Variants in USP49 observed in about 807,000 individuals in gnomAD.
The protein encoded by USP49 is ubiquitin carboxyl-terminal hydrolase 49.
A neutral mutation model predicts 58.6 loss-of-function variants in USP49; 24 were observed. The ratio of observed to expected loss-of-function variants is 0.41; its 90% CI spans 0.30 to 0.58. The LOEUF (loss-of-function observed/expected upper bound fraction) is 0.58, where lower values mean the gene tolerates loss of function less well. Ranked by LOEUF, USP49 falls within the 20% of genes least tolerant of loss-of-function variation. USP49 has a pLI of 0.30. For synonymous variants in USP49, 408 were observed against 365.1 expected (o/e 1.12, Z -1.34); for missense variants, 703 against 866.1 (o/e 0.81, Z 2.36).
chr6:41,838,965 T>A (rs752846948), intron 3 of USP49, among the ~76,000 whole-genome samples: 4 of 152,194 alleles, frequency 2.6e-5, no homozygotes, highest in Non-Finnish European at 5.9e-5. Flanking sequence ...TGGTCTTGAA[T>A]AATCTTTGGG....
chr6:41,889,321 C>G (rs1205609827), intron 2 of USP49, among the ~76,000 whole-genome samples: 1 of 152,212 alleles, frequency 6.6e-6, no homozygotes, highest in East Asian at 1.9e-4. Context: ...GTATGAGCCA[C>G]CGCACGCAGC....
At chr6:41,844,750 T>C (rs922299622) in intron 3 of USP49, among the ~76,000 whole-genome samples, 2 of 116,888 alleles carry the variant, frequency 1.7e-5, no homozygotes, top group African/African-American at 6.3e-5. Flanking sequence ...TTTTGACCTA[T>C]TTCTTTATGA....
chr6:41,841,611 T>A (rs959290151), intron 3 of USP49, among the ~76,000 whole-genome samples: 1 of 152,206 alleles, frequency 6.6e-6, no homozygotes, highest in Non-Finnish European at 1.5e-5. Context: ...CTGGGGAAGT[T>A]CATTTTTTAT....
intron 5 of USP49, among the ~76,000 whole-genome samples, chr6:41,800,164 G>A (rs1772973250): frequency 1.3e-5 from 2 of 152,184 alleles, no homozygotes; most frequent in African/African-American, 4.8e-5. Context: ...GAATGACTGT[G>A]TGGGACTCTG....
chr6:41,892,197 TTGGCTG>T (rs772097597), intron 1 of USP49, among the ~76,000 whole-genome samples: 4 of 152,222 alleles, frequency 2.6e-5, no homozygotes, highest in Non-Finnish European at 5.9e-5. Context: ...ACTCTTTCCC[TTGGCTG>T]ATCTTACAGT....
Position 41,866,665 on chromosome 6 carries a change from T to C in USP49, c.-29+4899A>G, listed in dbSNP as rs181611419. Among the ~76,000 whole-genome samples, 9 of 152,294 alleles carry C rather than the reference T, an allele frequency of 5.9e-5. No individual in the cohort carries two copies. The East Asian group carries it at 9.6e-4, about 16-fold the overall frequency. On this transcript the variant is annotated intron_variant, in intron 3 of 7. Coordinates refer to ENST00000682992, the MANE Select transcript of USP49 (RefSeq NM_001286554.2). ...AAATCTAATGAGAAGAGTGGCCTTA[T>C]TTTACATTTTTGTTAATCTTCTAAA...
At chr6:41,847,084 T>C (rs1773937055) in intron 3 of USP49, among the ~76,000 whole-genome samples, 1 of 152,230 alleles carries the variant, frequency 6.6e-6, no homozygotes, top group Non-Finnish European at 1.5e-5. Context: ...GGACAGATGG[T>C]TGTTTGTTTT....
intron 2 of USP49, among the ~76,000 whole-genome samples, chr6:41,873,230 G>T (rs958540279): frequency 1.3e-5 from 2 of 152,102 alleles, no homozygotes; most frequent in African/African-American, 4.8e-5. Context: ...GTTTTAGTAG[G>T]GAAGTTGTTT....
chr6:41,866,942 G>C (rs1259109283), intron 3 of USP49, among the ~76,000 whole-genome samples: 1 of 152,158 alleles, frequency 6.6e-6, no homozygotes, highest in African/African-American at 2.4e-5. Context: ...ATATTCAGAA[G>C]AGATTCTCAA....
At chr6:41,855,927 A>T (rs1774121949) in intron 3 of USP49, among the ~76,000 whole-genome samples, 1 of 152,142 alleles carries the variant, frequency 6.6e-6, no homozygotes, top group African/African-American at 2.4e-5. Context: ...GCATGCCTGT[A>T]ATCCCAGCTA....
intron 3 of USP49, among the ~76,000 whole-genome samples, chr6:41,862,164 G>A (rs1323558943): frequency 1.3e-5 from 2 of 152,132 alleles, no homozygotes; most frequent in Non-Finnish European, 2.9e-5. Flanking sequence ...ACTTACACAA[G>A]TGCATCTATG....
At chr6:41,838,223 C>A (rs565314933) in intron 3 of USP49, among the ~76,000 whole-genome samples, 9 of 152,200 alleles carry the variant, frequency 5.9e-5, no homozygotes, top group Non-Finnish European at 1.2e-4. Flanking sequence ...CAATGGCAGA[C>A]TGGGTAATTC....
Position 41,803,707 on chromosome 6 carries a change from C to A in USP49, c.1561+99G>T. On this transcript the variant is annotated intron_variant, in intron 5 of 7. Coordinates refer to ENST00000682992, the MANE Select transcript of USP49 (RefSeq NM_001286554.2). The surrounding 1 kb of genome is among the most constrained non-coding windows in gnomAD (Gnocchi z 4.1). Reference sequence around the variant, plus strand: ...AAGATGCTTTAGAACCATTCAATATCATTAGTGTTACTTTTGACTAAAGAG... The same window carrying A: ...AAGATGCTTTAGAACCATTCAATATAATTAGTGTTACTTTTGACTAAAGAG... 1 of 1,273,084 alleles carries A rather than the reference C, an allele frequency of 7.9e-7. No homozygotes were observed. The highest frequency in any genetic ancestry group is 1.1e-6 in the Non-Finnish European group (1 of 893,434). The allele number at this position is 1,273,084 out of a possible 1,614,324, so 78.9% of individuals were successfully genotyped here. A position where few individuals can be genotyped will look rare whatever the true frequency, so the allele number is the denominator to read the frequency against.
At chr6:41,893,143 T>C (rs892833023) in intron 1 of USP49, among the ~76,000 whole-genome samples, 1 of 152,204 alleles carries the variant, frequency 6.6e-6, no homozygotes, top group Non-Finnish European at 1.5e-5. Context: ...TGTTTTTCCA[T>C]CAAAATTACT....
intron 1 of USP49, chr6:41,894,062 G>C: frequency 6.9e-6 from 1 of 145,512 alleles, no homozygotes; most frequent in Non-Finnish European, 1.5e-5. Flanking sequence ...CCACCCCCCT[G>C]CAGTCTACCC....
At chr6:41,872,492 G>A (rs1248622660) in intron 2 of USP49, among the ~76,000 whole-genome samples, 9 of 152,114 alleles carry the variant, frequency 5.9e-5, no homozygotes, top group African/African-American at 1.7e-4. Flanking sequence ...TGACAGCCTT[G>A]TGTGTTATCT....
At chr6:41,874,230 C>T (rs1009932657) in intron 2 of USP49, 2 of 152,188 alleles carry the variant, frequency 1.3e-5, no homozygotes. Context: ...TTCTAATCTA[C>T]TTCACAGCAC....
intron 3 of USP49, among the ~76,000 whole-genome samples, chr6:41,836,577 A>G (rs1441783331): frequency 6.6e-6 from 1 of 152,208 alleles, no homozygotes; most frequent in Admixed American, 6.5e-5. Flanking sequence ...AGAAGAAGTC[A>G]AACTATATTT....
At chr6:41,868,061 G>T (rs749066040) in intron 3 of USP49, among the ~76,000 whole-genome samples, 1 of 152,152 alleles carries the variant, frequency 6.6e-6, no homozygotes. Context: ...AACCTTTTAA[G>T]AGTTATTAAC....
Sources: allele counts gnomAD v4.1 joint callset (sites outside exome capture counted in the v4.1 genomes callset), GRCh38; gene constraint gnomAD v4.1.1; non-coding constraint Gnocchi (gnomAD v3.1); transcripts MANE v1.5; gene names NCBI Gene and HGNC (gene_info 2026-07-23, HGNC 2026-07-21).